ETV1: variants seen among roughly 807,000 people sequenced by gnomAD.
ETV1 encodes the protein ETS translocation variant 1.
Under a neutral mutation model 62.3 loss-of-function variants are expected in ETV1, and 27 were observed. The ratio of observed to expected loss-of-function variants is 0.43; its 90% CI spans 0.32 to 0.60. The LOEUF (loss-of-function observed/expected upper bound fraction) is 0.60. Among genes scored for constraint, ETV1 ranks in the 20% least tolerant of loss-of-function variants. ETV1 has a pLI of 0.06. For synonymous variants in ETV1, 222 were observed against 199.6 expected, an observed-to-expected ratio of 1.11 and a Z score of -0.94; for missense variants, 605 against 605.8, an observed-to-expected ratio of 1.00 and a Z score of 0.01.
chr7:13,963,362 A>T (rs1299403501), intron 6 of ETV1, among the ~76,000 whole-genome samples: 1 of 152,150 alleles, frequency 6.6e-6, no homozygotes, highest in Non-Finnish European at 1.5e-5. Context: ...TAAAGATGCC[A>T]AACCTAAAGA....
chr7:13,981,904 C>T (rs979032681), intron 5 of ETV1, among the ~76,000 whole-genome samples: 29 of 151,908 alleles, frequency 1.9e-4, no homozygotes, highest in Admixed American at 5.9e-4. Flanking sequence ...AAGCTACAGG[C>T]CATGGAACAA....
In ETV1 at chr7:13,939,152, T is replaced by C. The variant is rs760973387; in HGVS notation, c.330A>G (p.Lys110=). The change falls in exon 7 of 14, where the codon AAA becomes AAG. Residue 110 remains lysine, a synonymous_variant. Transcript: ENST00000430479. ...ACAGGCACTTTTCTCCATAGCTGAA[T>C]TTAAAGGGCTGTTCTTGACTGCAGG... ...SSACSQEQPF[K]FSYGEKCLYN... The C allele has an allele frequency of 6.2e-7, 1 of 1,613,476 alleles. No individual in the cohort carries two copies. The highest frequency in any genetic ancestry group is 8.5e-7 in the Non-Finnish European group (1 of 1,179,718).
chr7:13,955,485 TCTA>T, intron 6 of ETV1, among the ~76,000 whole-genome samples: 1 of 152,190 alleles, frequency 6.6e-6, no homozygotes, highest in South Asian at 2.1e-4. Flanking sequence ...AATAATGAAC[TCTA>T]AGAGTCTCTG....
chr7:13,906,369 G>T, intron 12 of ETV1, 61 bp downstream of exon 12: 1 of 1,115,888 alleles, frequency 9.0e-7, no homozygotes. Flanking sequence ...TTAATCAAAT[G>T]TGTCAGTTTC....
intron 12 of ETV1, among the ~76,000 whole-genome samples, chr7:13,902,825 T>C (rs1360486008): frequency 1.3e-5 from 2 of 152,104 alleles, no homozygotes; most frequent in African/African-American, 4.8e-5. Flanking sequence ...GAAATATGAT[T>C]TTTAAAAATA....
intron 9 of ETV1, among the ~76,000 whole-genome samples, chr7:13,916,041 A>G (rs2128426673): frequency 6.6e-6 from 1 of 152,142 alleles, no homozygotes; most frequent in South Asian, 2.1e-4. Context: ...TAGTTACTGA[A>G]CTTCACATGA....
At chr7:13,922,182 T>C (rs907074944) in intron 9 of ETV1, among the ~76,000 whole-genome samples, 6 of 152,126 alleles carry the variant, frequency 3.9e-5, no homozygotes, top group African/African-American at 1.4e-4. Context: ...TTTTAGATAT[T>C]GTGGTTTTTA....
Position 13,967,235 on chromosome 7 carries a change from T to C in ETV1, c.235+10192A>G, listed in dbSNP as rs183060983. On this transcript the variant is annotated intron_variant, in intron 6 of 13. Coordinates refer to ENST00000430479, the MANE Select transcript of ETV1 (RefSeq NM_004956.5). ...AGGGTCCATCACAACTCAAGCCTCT[T>C]CAACAGGACCTAAAAACTAGTCAAA... Among the ~76,000 whole-genome samples, 12 of 152,204 alleles carry C rather than the reference T, an allele frequency of 7.9e-5. No homozygotes were observed. The East Asian group carries it at 2.1e-3, about 27-fold the overall frequency.
intron 5 of ETV1, among the ~76,000 whole-genome samples, chr7:13,979,553 T>C (rs966887159): frequency 6.6e-6 from 1 of 152,122 alleles, no homozygotes; most frequent in African/African-American, 2.4e-5. Flanking sequence ...GTGTTTTAAA[T>C]ATATATTTAA....
chr7:13,957,269 G>C (rs1400900681), intron 6 of ETV1, among the ~76,000 whole-genome samples: 1 of 151,854 alleles, frequency 6.6e-6, no homozygotes, highest in African/African-American at 2.4e-5. Flanking sequence ...GTATTTTTTA[G>C]TAGTGACGGG....
At chr7:13,904,354 G>A (rs1466758430) in intron 12 of ETV1, among the ~76,000 whole-genome samples, 1 of 152,158 alleles carries the variant, frequency 6.6e-6, no homozygotes, top group African/African-American at 2.4e-5. Context: ...CAGAAGAGTT[G>A]TCTAAATGTC....
chr7:13,988,242 G>GCGCA (rs1554320884), intron 3 of ETV1, 69 bp from the exon 4 acceptor site: 19 of 724,128 alleles, frequency 2.6e-5, no homozygotes, highest in African/African-American at 5.3e-5. Flanking sequence ...ACACGCGCGC[G>GCGCA]CACACACACA....
At chr7:13,900,930 C>A (rs1359768540) in intron 12 of ETV1, 91 bp from the exon 13 acceptor site, 2 of 771,920 alleles carry the variant, frequency 2.6e-6, no homozygotes, top group Non-Finnish European at 4.1e-6. Context: ...TCCAAACCCA[C>A]AAAAATGTCC....
intron 6 of ETV1, among the ~76,000 whole-genome samples, chr7:13,950,899 A>AACACACACAC (rs67539493): frequency 0.039 from 5,365 of 138,768 alleles, 136 homozygotes; most frequent in Admixed American, 0.053. Flanking sequence ...CTTCTCTAGG[A>AACACACACAC]ACACACACAC....
chr7:13,892,493 CAATT>C lies in ETV1; in HGVS notation c.*3369_*3372del, dbSNP rs1781448906. The C allele has an allele frequency of 4.3e-6, 1 of 232,930 alleles. No individual in the cohort carries two copies. The highest frequency in any genetic ancestry group is 8.5e-6 in the Non-Finnish European group (1 of 117,872). 14.4% of individuals were successfully genotyped at this position (232,930 alleles called of 1,614,324 possible). ...AGAACTCCACTGTTCCTGAGTAAAT[CAATT>C]AGAGTCTTTGCTACACAGTCTTCCT... On this transcript the variant is annotated 3_prime_UTR_variant, in exon 14 of 14. Coordinates refer to ENST00000430479, the MANE Select transcript of ETV1 (RefSeq NM_004956.5).
intron 6 of ETV1, among the ~76,000 whole-genome samples, chr7:13,970,609 A>C (rs745605648): frequency 6.6e-6 from 1 of 152,178 alleles, no homozygotes; most frequent in Non-Finnish European, 1.5e-5. Flanking sequence ...CAGTCAGAAA[A>C]ACGAAAGAAG....
intron 2 of ETV1, 38 bp downstream of exon 2, chr7:13,989,230 A>C (rs1373441097): frequency 1.8e-6 from 1 of 559,352 alleles, no homozygotes; most frequent in Non-Finnish European, 3.1e-6. Context: ...CGACAGTCCC[A>C]TTCACAAAAA....
chr7:13,926,494 A>C (rs1331510298), intron 9 of ETV1, among the ~76,000 whole-genome samples: 2 of 152,218 alleles, frequency 1.3e-5, no homozygotes, highest in African/African-American at 4.8e-5. Flanking sequence ...ATGAGAAAAC[A>C]GTCTTGACTC....
chr7:13,967,699 A>C (rs1780444977), intron 6 of ETV1, among the ~76,000 whole-genome samples: 1 of 152,174 alleles, frequency 6.6e-6, no homozygotes, highest in African/African-American at 2.4e-5. Flanking sequence ...GATTTAAAAA[A>C]AGTGGAAAAA....
Sources: gnomAD v4.1 joint callset for allele counts (sites outside exome capture counted in the v4.1 genomes callset) on GRCh38, gnomAD v4.1.1 for gene constraint, MANE v1.5 for transcripts, NCBI Gene and HGNC (gene_info 2026-07-23, HGNC 2026-07-21) for gene names.